XPC: variants seen among roughly 807,000 people sequenced by gnomAD.
XPC encodes XPC complex subunit, DNA damage recognition and repair factor.
A neutral mutation model predicts 95.8 loss-of-function variants in XPC; 76 were observed. The observed-to-expected ratio is 0.79, with a 90% CI of 0.66 to 0.96. The LOEUF (loss-of-function observed/expected upper bound fraction) is 0.96, where lower values mean the gene tolerates loss of function less well. Ranked by LOEUF, XPC falls within the 40% of genes least tolerant of loss-of-function variation. The pLI, the probability that XPC is intolerant of heterozygous loss-of-function variation, is 0.00. For synonymous variants in XPC, 442 were observed against 442.1 expected, an observed-to-expected ratio of 1.00 and a Z score of 0.00; for missense variants, 1,146 against 1,179.8, an observed-to-expected ratio of 0.97 and a Z score of 0.42.
chr3:14,176,891 A>G (rs1319196959), intron 1 of XPC, among the ~76,000 whole-genome samples: 2 of 152,236 alleles, frequency 1.3e-5, no homozygotes, highest in Non-Finnish European at 2.9e-5. Context: ...ACCTGAGGTC[A>G]GGAGTTTGAG....
chr3:14,173,065 A>G lies in XPC; in HGVS notation c.104-3T>C, dbSNP rs990089486. On this transcript the variant is annotated splice_region_variant and splice_polypyrimidine_tract_variant and intron_variant, in intron 1 of 15. Transcript: ENST00000285021. ...GGGTTTCTCATCTTCAAAGGCATCT[A>G]GGTGACAACACAGAACATAAGGTGA... 1.3e-6 allele frequency: 2 copies of G among 1,564,966 alleles called. No individual in the cohort carries two copies. The highest frequency in any genetic ancestry group is 1.9e-5 in the Admixed American group (1 of 51,726).
chr3:14,172,849 G>A lies in XPC; in HGVS notation c.299+18C>T, dbSNP rs527860601. ...GAGAAAAATCAAGACCCGAGACAAA[G>A]CTTTGCAGACATCTCACCTGAGGTC... On this transcript the variant is annotated intron_variant, in intron 2 of 15. Coordinates refer to ENST00000285021, the MANE Select transcript of XPC (RefSeq NM_004628.5). The A allele has an allele frequency of 8.7e-6, 14 of 1,607,634 alleles. No individual in the cohort carries two copies. Among genetic ancestry groups the A allele is most frequent in the South Asian group, 2.2e-5 (2 of 89,960 alleles).
intron 3 of XPC, among the ~76,000 whole-genome samples, chr3:14,168,783 T>A (rs3731091): frequency 0.023 from 3,440 of 152,292 alleles, 209 homozygotes; most frequent in East Asian, 0.22. Flanking sequence ...CAATAACAAT[T>A]AGCACAATTT....
rs767102775 is a variant in XPC at position 14,156,451 on chromosome 3, G to A, written c.1917C>T (p.Gly639=). 1.9e-6 allele frequency: 3 copies of A among 1,613,896 alleles called. No homozygotes were observed. Among genetic ancestry groups the A allele is most frequent in the Non-Finnish European group, 2.5e-6 (3 of 1,179,888 alleles). Residue 639 remains glycine, a synonymous_variant, in exon 10 of 16, where the codon GGC becomes GGT. Coordinates refer to ENST00000285021, the MANE Select transcript of XPC (RefSeq NM_004628.5). ...CATACAGAGGGTGGTTCTTATATAAGCCAATGGCAGTGGGCAAAGGCTGGT... is the reference window on the plus strand; with the variant it reads ...CATACAGAGGGTGGTTCTTATATAAACCAATGGCAGTGGGCAAAGGCTGGT... ...HMDQPLPTAI[G]LYKNHPLYAL...
chr3:14,153,938 C>G (rs1016159967), intron 10 of XPC, among the ~76,000 whole-genome samples: 2 of 152,178 alleles, frequency 1.3e-5, no homozygotes, highest in African/African-American at 2.4e-5. Flanking sequence ...TTTGACTGCC[C>G]AGAGGAGTGA....
chr3:14,147,401 G>C (rs1695485123), intron 14 of XPC, 22 bp from the exon 15 acceptor site: 1 of 1,587,750 alleles, frequency 6.3e-7, no homozygotes, highest in East Asian at 2.3e-5. Context: ...AATGAAGTGG[G>C]AGAAAAGTGT....
Position 14,148,887 on chromosome 3 carries a change from T to C in XPC, c.2177A>G (p.Glu726Gly), listed in dbSNP as rs1380023152. ...GCCAAACAGGCCCAGGTCATTTTCTTCCCGCAGCTGGGGCTCAGCAAGTCG... is the reference window on the plus strand; with the variant it reads ...GCCAAACAGGCCCAGGTCATTTTCTCCCCGCAGCTGGGGCTCAGCAAGTCG... ...KARLAEPQLR[E>G]ENDLGLFGYW... is the part of the protein sequence containing the mutation. The change falls in exon 12 of 16, where the codon GAA becomes GGA. Residue 726 changes from glutamate (E) to glycine (G), a missense_variant. Coordinates refer to ENST00000285021, the MANE Select transcript of XPC (RefSeq NM_004628.5). 10 of 1,613,840 alleles carry C rather than the reference T, an allele frequency of 6.2e-6. No individual in the cohort carries two copies. The highest frequency in any genetic ancestry group is 1.7e-5 in the Admixed American group (1 of 59,988).
rs1181688947 is a variant in XPC at position 14,159,805 on chromosome 3, A to G, written c.926T>C (p.Leu309Pro). 6.4e-7 allele frequency: 1 copy of G among 1,558,586 alleles called. No homozygotes were observed. The highest frequency in any genetic ancestry group is 1.9e-5 in the Admixed American group (1 of 51,904). ...CAATACCAGCCGGGTCAAGAGCTGC[A>G]GAGCCCGGAGAATCAGTAAGAATAT... ...VHIFLLILRA[L>P]QLLTRLVLSL... Residue 309 changes from leucine (L) to proline (P), a missense_variant, in exon 8 of 16, where the codon CTG (leucine) becomes CCG (proline). Leu to Pro is a moderately conservative substitution (Grantham distance 98). Coordinates refer to ENST00000285021, the MANE Select transcript of XPC (RefSeq NM_004628.5).
At chr3:14,148,757 T>A (rs772514148) in intron 12 of XPC, 26 bp from the exon 13 acceptor site, 8 of 1,613,770 alleles carry the variant, frequency 5.0e-6, no homozygotes, top group Admixed American at 1.7e-5. Context: ...AAGTCAGCAT[T>A]TGGCCAGCAG....
chr3:14,155,062 G>A (rs963343680), intron 10 of XPC, among the ~76,000 whole-genome samples: 1 of 152,082 alleles, frequency 6.6e-6, no homozygotes, highest in African/African-American at 2.4e-5. Flanking sequence ...TGCTGCCTTT[G>A]ACTGCTGGGT....
At position 14,168,369 on chromosome 3, in the gene XPC, G is replaced by C; in HGVS notation, c.424C>G (p.Pro142Ala). ...CTTTCTCTCACGTCACCCAGCACAGGCTCACTAAGTTCTATCAACAAGCAT... is the reference window on the plus strand; with the variant it reads ...CTTTCTCTCACGTCACCCAGCACAGCCTCACTAAGTTCTATCAACAAGCAT... Reference protein sequence around the residue: ...DWEEVEELSEPVLGDVRESTA... With the variant: ...DWEEVEELSEAVLGDVRESTA... The change falls in exon 4 of 16, where the codon CCT (proline) becomes GCT (alanine). Residue 142 changes from proline (P) to alanine (A), a missense_variant. Physicochemically the swap from Pro to Ala is conservative, Grantham distance 27 (BLOSUM62 -1). Transcript: ENST00000285021. The C allele has an allele frequency of 6.2e-7, 1 of 1,613,700 alleles. No homozygotes were observed. Among genetic ancestry groups the C allele is most frequent in the East Asian group, 2.2e-5 (1 of 44,872 alleles).
At chr3:14,152,464 C>A in intron 10 of XPC, 48 bp from the exon 11 acceptor site, 1 of 1,556,020 alleles carries the variant, frequency 6.4e-7, no homozygotes, top group African/African-American at 1.4e-5. Flanking sequence ...CACAGCCCCA[C>A]TGCGGGAATG....
chr3:14,168,143 C>T (rs960880873), intron 4 of XPC, 114 bp downstream of exon 4: 10 of 1,386,170 alleles, frequency 7.2e-6, no homozygotes, highest in Non-Finnish European at 7.6e-6. Context: ...CCAAGGTTCT[C>T]GACCACTTTG....
At chr3:14,178,323 G>A (rs891004734) in intron 1 of XPC, 143 bp downstream of exon 1, 13 of 959,416 alleles carry the variant, frequency 1.4e-5, no homozygotes, top group African/African-American at 1.8e-5. Flanking sequence ...AGGGCCGGCC[G>A]CAGCCTGCCG....
In XPC at chr3:14,158,618, C is replaced by T. The variant is rs369681862; in HGVS notation, c.1265G>A (p.Arg422Gln). The change falls in exon 9 of 16, where the codon CGG becomes CAG. Residue 422 changes from arginine to glutamine, a missense_variant. By Grantham distance (43) the Arg-to-Gln change is conservative. Coordinates refer to ENST00000285021, the MANE Select transcript of XPC (RefSeq NM_004628.5). The surrounding 1 kb of genome is among the most constrained non-coding windows in gnomAD (Gnocchi z 5.2). ...ATQRRPHGRERRVASRVSYKE... is the reference protein window; with the variant it reads ...ATQRRPHGREQRVASRVSYKE... ...ATAAGACACCCTGGAGGCCACCCGC[C>T]GCTCCCGGCCATGCGGACGTCGCTG... is the stretch of plus-strand genomic sequence containing the variant. 67 of 1,613,792 alleles carry T rather than the reference C, an allele frequency of 4.2e-5. No homozygotes were observed. Among genetic ancestry groups the T allele is most frequent in the African/African-American group, 5.3e-5 (4 of 74,918 alleles).
chr3:14,177,301 C>T (rs1196507807), intron 1 of XPC, among the ~76,000 whole-genome samples: 1 of 152,112 alleles, frequency 6.6e-6, no homozygotes, highest in African/African-American at 2.4e-5. Context: ...GGAGGATGTG[C>T]ATAGGTTACA....
chr3:14,173,106 G>A (rs188078273), intron 1 of XPC, 44 bp from the exon 2 acceptor site: 4 of 1,476,618 alleles, frequency 2.7e-6, no homozygotes, highest in South Asian at 1.4e-5. Flanking sequence ...GGAAGGAAAG[G>A]TGGAGGCAGT....
At chr3:14,159,377 C>A (rs1286359185) in intron 8 of XPC, among the ~76,000 whole-genome samples, 3 of 152,052 alleles carry the variant, frequency 2.0e-5, no homozygotes, top group Non-Finnish European at 4.4e-5. Context: ...ATGCCAATAC[C>A]CCAATGAGTA....
chr3:14,155,507 T>C (rs1331879917), intron 10 of XPC, among the ~76,000 whole-genome samples: 1 of 152,180 alleles, frequency 6.6e-6, no homozygotes, highest in Admixed American at 6.5e-5. Flanking sequence ...TTTTTTTAGC[T>C]ATTTCTTTTT....
Sources: allele counts gnomAD v4.1 joint callset (sites outside exome capture counted in the v4.1 genomes callset), GRCh38; gene constraint gnomAD v4.1.1; non-coding constraint Gnocchi (gnomAD v3.1); transcripts MANE v1.5; gene names NCBI Gene and HGNC (gene_info 2026-07-23, HGNC 2026-07-21).